C1orf105: variants seen among roughly 807,000 people sequenced by gnomAD.
C1orf105 encodes chromosome 1 open reading frame 105, also known as uncharacterized protein C1orf105.
A neutral mutation model predicts 20.8 loss-of-function variants in C1orf105; 17 were observed. The ratio of observed to expected loss-of-function variants is 0.82; its 90% CI spans 0.56 to 1.23. The LOEUF (loss-of-function observed/expected upper bound fraction) is 1.23, where lower values mean the gene tolerates loss of function less well. Among genes scored for constraint, C1orf105 ranks in the 50% most tolerant of loss-of-function variants. The pLI is 0.00. For synonymous variants in C1orf105, 72 were observed against 72.1 expected, an observed-to-expected ratio of 1.00 and a Z score of 0.01; for missense variants, 219 against 213.5, an observed-to-expected ratio of 1.03 and a Z score of -0.16.
At chr1:172,467,191 C>T (rs1650128467) in intron 6 of C1orf105, among the ~76,000 whole-genome samples, 2 of 152,162 alleles carry the variant, frequency 1.3e-5, no homozygotes, top group Non-Finnish European at 2.9e-5. Context: ...GTGGTACTTG[C>T]TGCTTATTGC....
intron 5 of C1orf105, among the ~76,000 whole-genome samples, chr1:172,464,844 C>T (rs1573896754): frequency 6.6e-6 from 1 of 152,138 alleles, no homozygotes; most frequent in South Asian, 2.1e-4. Context: ...GTGGCCTTAT[C>T]ATCAGGTTAA....
intron 1 of C1orf105, among the ~76,000 whole-genome samples, chr1:172,431,657 G>A (rs571707557): frequency 2.3e-4 from 35 of 152,366 alleles, no homozygotes; most frequent in African/African-American, 8.4e-4. Flanking sequence ...CCAGTCTGCA[G>A]CTCCCGGCGT....
intron 3 of C1orf105, among the ~76,000 whole-genome samples, chr1:172,455,804 G>C (rs1183121659): frequency 6.6e-6 from 1 of 152,134 alleles, no homozygotes; most frequent in African/African-American, 2.4e-5. Flanking sequence ...ACACAAGCTT[G>C]AGTTCTGCTT....
intron 1 of C1orf105, among the ~76,000 whole-genome samples, chr1:172,436,237 C>A (rs1274036409): frequency 1.3e-5 from 2 of 152,160 alleles, no homozygotes; most frequent in Admixed American, 1.3e-4. Flanking sequence ...TTGGAAAAAA[C>A]TACTTTAAAG....
intron 1 of C1orf105, among the ~76,000 whole-genome samples, chr1:172,431,604 T>C (rs1483894074): frequency 6.6e-6 from 1 of 152,206 alleles, no homozygotes; most frequent in Non-Finnish European, 1.5e-5. Context: ...GCTAAGAACA[T>C]TGATGCAGGC....
intron 1 of C1orf105, among the ~76,000 whole-genome samples, chr1:172,437,885 AGAG>A (rs1558129240): frequency 1.3e-5 from 2 of 152,160 alleles, no homozygotes; most frequent in South Asian, 2.1e-4. Context: ...TCATAGCTAA[AGAG>A]GAGAAGTCAA....
intron 4 of C1orf105, among the ~76,000 whole-genome samples, chr1:172,456,895 C>T (rs1649312101): frequency 6.6e-6 from 1 of 152,158 alleles, no homozygotes; most frequent in East Asian, 1.9e-4. Flanking sequence ...TTTGGGTTTA[C>T]TGTTAATTTA....
intron 4 of C1orf105, among the ~76,000 whole-genome samples, chr1:172,458,680 A>G (rs141823003): frequency 6.6e-6 from 1 of 152,340 alleles, no homozygotes; most frequent in African/African-American, 2.4e-5. Context: ...CCATTTTTAT[A>G]GAAATTTGCA....
At chr1:172,427,890 G>A (rs979320625) in intron 1 of C1orf105, among the ~76,000 whole-genome samples, 13 of 152,126 alleles carry the variant, frequency 8.5e-5, no homozygotes, top group East Asian at 1.9e-4. Context: ...AACAAATCCC[G>A]AATTTATATC....
rs1229391911 is a variant in C1orf105 at position 172,430,317 on chromosome 1, A to G, written c.21+9411A>G. On this transcript the variant is annotated intron_variant, in intron 1 of 6. Coordinates refer to ENST00000367727, the MANE Select transcript of C1orf105 (RefSeq NM_139240.4). ...GCCTGAATCCTTGTGCCAGCAGCCCACAAAGAGGCATGCCACAGGTGAGCC... is the reference window on the plus strand; with the variant it reads ...GCCTGAATCCTTGTGCCAGCAGCCCGCAAAGAGGCATGCCACAGGTGAGCC... 5 of 702,058 alleles carry G rather than the reference A, an allele frequency of 7.1e-6. No individual in the cohort carries two copies. The African/African-American group carries it at 8.7e-5, about 12-fold the overall frequency. The allele number at this position is 702,058 out of a possible 1,614,324, so 43.5% of individuals were successfully genotyped here.
chr1:172,421,906 T>C (rs2071600537), intron 1 of C1orf105, among the ~76,000 whole-genome samples: 1 of 152,088 alleles, frequency 6.6e-6, no homozygotes, highest in Non-Finnish European at 1.5e-5. Flanking sequence ...GGGGCAGAAC[T>C]TAGCTGTTGC....
chr1:172,454,566 C>A (rs994342273), intron 3 of C1orf105, among the ~76,000 whole-genome samples: 1 of 152,106 alleles, frequency 6.6e-6, no homozygotes, highest in Non-Finnish European at 1.5e-5. Flanking sequence ...ACCAGACAAC[C>A]TGTCCATCCC....
chr1:172,436,203 C>G (rs2072036051), intron 1 of C1orf105, among the ~76,000 whole-genome samples: 2 of 152,290 alleles, frequency 1.3e-5, no homozygotes, highest in African/African-American at 4.8e-5. Context: ...CTCCATGAAG[C>G]TACCAATGAC....
At chr1:172,421,523 T>TG (rs2071588592) in intron 1 of C1orf105, among the ~76,000 whole-genome samples, 1 of 152,142 alleles carries the variant, frequency 6.6e-6, no homozygotes, top group African/African-American at 2.4e-5. Flanking sequence ...AAGTCAAAAA[T>TG]GCATGCAATA....
At chr1:172,453,734 T>A (rs927604753) in intron 3 of C1orf105, among the ~76,000 whole-genome samples, 1 of 152,158 alleles carries the variant, frequency 6.6e-6, no homozygotes, top group Non-Finnish European at 1.5e-5. Flanking sequence ...AAATCAAGAA[T>A]AGTGCAAATA....
chr1:172,457,018 G>A (rs1480284495), intron 4 of C1orf105, among the ~76,000 whole-genome samples: 1 of 152,182 alleles, frequency 6.6e-6, no homozygotes, highest in Non-Finnish European at 1.5e-5. Flanking sequence ...ATGGTGGTAG[G>A]GGAGGAATAT....
chr1:172,424,551 C>T (rs1023632994), intron 1 of C1orf105, among the ~76,000 whole-genome samples: 34 of 152,174 alleles, frequency 2.2e-4, no homozygotes, highest in African/African-American at 7.5e-4. Flanking sequence ...CCACCACACC[C>T]GGCTAATTTT....
intron 1 of C1orf105, among the ~76,000 whole-genome samples, chr1:172,430,517 T>C (rs915805748): frequency 2.6e-5 from 4 of 152,196 alleles, no homozygotes; most frequent in Admixed American, 6.5e-5. Context: ...CACAACTCAC[T>C]GCATTCTCGA....
At chr1:172,430,466 G>A (rs567143507) in intron 1 of C1orf105, 2 of 586,674 alleles carry the variant, frequency 3.4e-6, no homozygotes, top group Admixed American at 2.9e-5. Context: ...TTTTGAGACA[G>A]GGTCTTGCTT....
Sources: allele counts gnomAD v4.1 joint callset (sites outside exome capture counted in the v4.1 genomes callset), GRCh38; gene constraint gnomAD v4.1.1; transcripts MANE v1.5; gene names NCBI Gene and HGNC (gene_info 2026-07-23, HGNC 2026-07-21).